MICAL1: variants seen among roughly 807,000 people sequenced by gnomAD.
The protein encoded by MICAL1 is microtubule associated monooxygenase, calponin and LIM domain containing 1.
MICAL1 carries 95 observed loss-of-function variants against 131.8 expected under a neutral mutation model. The observed-to-expected ratio is 0.72, with a 90% CI of 0.61 to 0.86. MICAL1 has a LOEUF of 0.86. MICAL1 is among the 40% of genes least tolerant of loss of function. The pLI, the probability that MICAL1 is intolerant of heterozygous loss-of-function variation, is 0.00. For missense variants in MICAL1, 1,292 were observed against 1,380.6 expected (o/e 0.94, Z 1.02); for synonymous variants, 546 against 554.2 (o/e 0.99, Z 0.21).
chr6:109,453,899 C>A, intron 2 of MICAL1, 40 bp downstream of exon 2: 1 of 1,610,376 alleles, frequency 6.2e-7, no homozygotes, highest in Non-Finnish European at 8.5e-7. Flanking sequence ...CTCTGACTCC[C>A]CGCATGCTCC....
Position 109,446,285 on chromosome 6 carries a change from G to C in MICAL1, c.2432C>G (p.Pro811Arg), listed in dbSNP as rs200911086. The stretch of plus-strand genomic sequence containing the variant: ...AAGGGAGGACAACCGCTGGCGCTCC[G>C]GGCTGGAGAGGCGGATCTGCCGACG... ...PTRRQIRLSS[P>R]ERQRLSSLNL... The change falls in exon 19 of 25, where the codon CCG (proline) becomes CGG (arginine). Residue 811 changes from proline to arginine, a missense_variant. Coordinates refer to ENST00000358807, the MANE Select transcript of MICAL1 (RefSeq NM_022765.4). The C allele has an allele frequency of 3.1e-6, 5 of 1,614,084 alleles. No homozygotes were observed. In the East Asian group the frequency reaches 1.1e-4, roughly 36 times the overall value.
At chr6:109,454,812 G>GA (rs1471229582) in intron 1 of MICAL1, 1 of 152,876 alleles carries the variant, frequency 6.5e-6, no homozygotes, top group Non-Finnish European at 1.5e-5. Context: ...TCCTGACAGA[G>GA]AAACAGCCTC....
At chr6:109,462,051 AT>A (rs2115349076) in intron 1 of MICAL1, among the ~76,000 whole-genome samples, 1 of 152,318 alleles carries the variant, frequency 6.6e-6, no homozygotes, top group South Asian at 2.1e-4. Context: ...TAGGAGGTAA[AT>A]TGTGTCCCCC....
chr6:109,457,503 G>C (rs148137572), upstream of MICAL1, among the ~76,000 whole-genome samples: 7 of 151,658 alleles, frequency 4.6e-5, no homozygotes, highest in African/African-American at 1.7e-4. Context: ...ATAAAACCGA[G>C]GAATAAAGAG....
In MICAL1 at chr6:109,454,283, G is replaced by T. The variant is rs1242437194; in HGVS notation, c.-43-44C>A. Reference sequence around the variant, plus strand: ...AAGGGGAAGAGGCTGGAGAACAGAAGAAATAAAAAGGAAGGGGAGGCGAAG... The same window carrying T: ...AAGGGGAAGAGGCTGGAGAACAGAATAAATAAAAAGGAAGGGGAGGCGAAG... On this transcript the variant is annotated intron_variant, in intron 1 of 24. Transcript: ENST00000358807. 2.7e-6 allele frequency: 4 copies of T among 1,492,746 alleles called. No homozygotes were observed. The South Asian group carries it at 5.1e-5, about 19-fold the overall frequency. The allele number at this position is 1,492,746 out of a possible 1,614,324, so 92.5% of individuals were successfully genotyped here.
Position 109,454,317 on chromosome 6 carries a change from C to T in MICAL1, c.-43-78G>A, listed in dbSNP as rs865917035. 21 of 1,391,928 alleles carry T rather than the reference C, an allele frequency of 1.5e-5. No homozygotes were observed. The Middle Eastern group carries it at 1.2e-3, about 78-fold the overall frequency. The allele number at this position is 1,391,928 out of a possible 1,614,324, so 86.2% of individuals were successfully genotyped here. ...AGGAAGGGGAGGCGAAGAGAGCAGG[C>T]TGGTGTCCCCAGGGAGCTCGGGATT... On this transcript the variant is annotated intron_variant, in intron 1 of 24. Transcript: ENST00000358807.
intron 24 of MICAL1, 43 bp from the exon 25 acceptor site, chr6:109,444,382 G>A (rs757969859): frequency 1.9e-6 from 3 of 1,612,552 alleles, no homozygotes; most frequent in Non-Finnish European, 2.5e-6. Context: ...GAACTGGGCA[G>A]GGAAGCAGGA....
chr6:109,448,514 T>C lies in MICAL1; in HGVS notation c.1665-121A>G, dbSNP rs1450332439. On this transcript the variant is annotated intron_variant, in intron 12 of 24. Transcript: ENST00000358807. ...GCTGGGGTACAAGAAGGCTTGAAGG[T>C]AGGTGTGTAGTCTCTGCTACCCAGT... 5 of 1,301,896 alleles carry C rather than the reference T, an allele frequency of 3.8e-6. No individual in the cohort carries two copies. The African/African-American group carries it at 5.8e-5, about 15-fold the overall frequency. The allele number at this position is 1,301,896 out of a possible 1,614,324, so 80.6% of individuals were successfully genotyped here. A position where few individuals can be genotyped will look rare whatever the true frequency, so the allele number is the denominator to read the frequency against.
intron 1 of MICAL1, chr6:109,465,637 A>G (rs1582667241): frequency 6.5e-7 from 1 of 1,545,630 alleles, no homozygotes; most frequent in Non-Finnish European, 8.7e-7. Flanking sequence ...ATTCAATAAT[A>G]TTGAAATGCT....
chr6:109,453,985 G>A lies in MICAL1; in HGVS notation c.212C>T (p.Ala71Val), dbSNP rs779915041. 9.9e-6 allele frequency: 16 copies of A among 1,613,898 alleles called. No individual in the cohort carries two copies. The highest frequency in any genetic ancestry group is 5.0e-5 in the Admixed American group (3 of 60,016). ...GCCCTGCTGGTAGACAGGCTGGCCT[G>A]CTCGCTTGTCCAGCTTGGTCCACAG... ...KSLWTKLDKR[A>V]GQPVYQQGRA... Residue 71 changes from alanine to valine, a missense_variant, in exon 2 of 25, where the codon GCA becomes GTA. Coordinates refer to ENST00000358807, the MANE Select transcript of MICAL1 (RefSeq NM_022765.4).
At chr6:109,464,451 A>T (rs1199374478) in intron 1 of MICAL1, 1 of 152,228 alleles carries the variant, frequency 6.6e-6, no homozygotes, top group Admixed American at 6.5e-5. Flanking sequence ...CAGCATTGTT[A>T]ATTTAGATAT....
Position 109,447,407 on chromosome 6 carries a change from G to A in MICAL1, c.2020C>T (p.Pro674Ser). ...EAETPSTEVP[P>S]DPEPGVPLTP... ...AGGGGTACACCAGGCTCTGGGTCAG[G>A]TGGCACCTCAGTACTTGGGGTCTCG... is the stretch of plus-strand genomic sequence containing the variant. Residue 674 changes from proline to serine, a missense_variant, in exon 16 of 25, where the codon CCT becomes TCT. Coordinates refer to ENST00000358807, the MANE Select transcript of MICAL1 (RefSeq NM_022765.4). The A allele has an allele frequency of 4.3e-6, 7 of 1,613,830 alleles. No homozygotes were observed. The highest frequency in any genetic ancestry group is 5.9e-6 in the Non-Finnish European group (7 of 1,179,920).
chr6:109,450,143 G>A, intron 8 of MICAL1, 58 bp from the exon 9 acceptor site: 3 of 1,582,984 alleles, frequency 1.9e-6, no homozygotes, highest in Non-Finnish European at 2.6e-6. Context: ...TGCATCCCAA[G>A]CCCAGATATC....
Position 109,449,494 on chromosome 6 carries a change from C to A in MICAL1, c.1435-13G>T, listed in dbSNP as rs112253065. The A allele has an allele frequency of 6.2e-7, 1 of 1,614,118 alleles. No individual in the cohort carries two copies. Among genetic ancestry groups the A allele is most frequent in the Non-Finnish European group, 8.5e-7 (1 of 1,179,982 alleles). Reference sequence around the variant, plus strand: ...ACAGGTCTCGTACCTAAGGCAGCCCCGCTCAGGTCTCAAGGCAGGCTGGCC... The same window carrying A: ...ACAGGTCTCGTACCTAAGGCAGCCCAGCTCAGGTCTCAAGGCAGGCTGGCC... On this transcript the variant is annotated splice_polypyrimidine_tract_variant and intron_variant, in intron 10 of 24. Transcript: ENST00000358807.
intron 1 of MICAL1, among the ~76,000 whole-genome samples, chr6:109,461,741 T>C (rs1168034305): frequency 6.6e-6 from 1 of 152,144 alleles, no homozygotes; most frequent in Non-Finnish European, 1.5e-5. Flanking sequence ...ATGTATTTAA[T>C]AATAAATAAG....
At chr6:109,455,976 GAC>G, upstream of MICAL1, 1 of 985,602 alleles carries the variant, frequency 1.0e-6, no homozygotes, top group Non-Finnish European at 1.2e-6. This position sits in a 1 kb window ranked among gnomAD's most constrained non-coding sequence, Gnocchi z 4.7. Context: ...CTCCAGCGGG[GAC>G]AGTCTTGGGC....
chr6:109,462,282 T>G lies in MICAL1; in HGVS notation c.14+3382A>C, dbSNP rs1036376549. ...AACCAACCCCACTGACACGTTGATCTTGGACTTTCTATTTTTTCAGTCACC... is the reference window on the plus strand; with the variant it reads ...AACCAACCCCACTGACACGTTGATCGTGGACTTTCTATTTTTTCAGTCACC... On this transcript the variant is annotated intron_variant, in intron 1 of 24. Transcript: ENST00000630715. 3.3e-5 allele frequency among the ~76,000 whole-genome samples: 5 copies of G among 152,198 alleles called. No individual in the cohort carries two copies. In the South Asian group the frequency reaches 6.2e-4, roughly 19 times the overall value.
At chr6:109,450,665 A>C in intron 7 of MICAL1, 108 bp from the exon 8 acceptor site, 1 of 1,295,336 alleles carries the variant, frequency 7.7e-7, no homozygotes, top group Non-Finnish European at 1.0e-6. Context: ...CCAGAGAAGG[A>C]AGGGGCTGCC....
In MICAL1 at chr6:109,447,928, C is replaced by T; in HGVS notation, c.1891G>A (p.Ala631Thr). 6.2e-7 allele frequency: 1 copy of T among 1,612,898 alleles called. No homozygotes were observed. The highest frequency in any genetic ancestry group is 8.5e-7 in the Non-Finnish European group (1 of 1,179,356). The stretch of plus-strand genomic sequence containing the variant: ...TGAAGTTTACTAAGGAATAATACAG[C>T]ACTGGAGGTCCCTGGGGAGGCCTGG... ...VSQASPGTSS[A>T]VLFLSKLQRT... is the part of the protein sequence containing the mutation. Residue 631 changes from alanine to threonine, a missense_variant, in exon 14 of 25, where the codon GCT becomes ACT. Ala to Thr is a moderately conservative substitution (Grantham distance 58, BLOSUM62 0). Coordinates refer to ENST00000358807, the MANE Select transcript of MICAL1 (RefSeq NM_022765.4).
Sources: gnomAD v4.1 joint callset for allele counts (sites outside exome capture counted in the v4.1 genomes callset) on GRCh38, gnomAD v4.1.1 for gene constraint, Gnocchi (gnomAD v3.1) non-coding constraint, MANE v1.5 for transcripts, NCBI Gene and HGNC (gene_info 2026-07-23, HGNC 2026-07-21) for gene names.